Variants in HPSE2 observed in about 807,000 individuals in gnomAD.
HPSE2 encodes the protein inactive heparanase-2.
In HPSE2, 38 loss-of-function variants were observed where a neutral mutation model predicts 60.5. The observed-to-expected ratio is 0.63, with a 90% CI of 0.48 to 0.82. The LOEUF (loss-of-function observed/expected upper bound fraction) is 0.82, where lower values mean the gene tolerates loss of function less well. Ranked by LOEUF, HPSE2 falls within the 40% of genes least tolerant of loss-of-function variation. The pLI, the probability that HPSE2 is intolerant of heterozygous loss-of-function variation, is 0.00. For missense variants in HPSE2, 713 were observed against 740.4 expected (o/e 0.96, Z 0.43); for synonymous variants, 295 against 293.2 (o/e 1.01, Z -0.06).
intron 3 of HPSE2, among the ~76,000 whole-genome samples, chr10:99,041,471 A>AC (rs1957738199): frequency 1.3e-5 from 2 of 151,804 alleles, no homozygotes; most frequent in African/African-American, 4.8e-5. Flanking sequence ...AATCCTCCCA[A>AC]CCCCCAATCC....
intron 6 of HPSE2, among the ~76,000 whole-genome samples, chr10:98,649,948 A>C (rs1232906927): frequency 6.6e-6 from 1 of 152,202 alleles, no homozygotes; most frequent in Non-Finnish European, 1.5e-5. Flanking sequence ...TCCTGGGGAC[A>C]GGGTAAAGAT....
intron 9 of HPSE2, among the ~76,000 whole-genome samples, chr10:98,546,501 A>T (rs1173003509): frequency 6.6e-6 from 1 of 151,724 alleles, no homozygotes; most frequent in Non-Finnish European, 1.5e-5. Context: ...ATAACGCCGC[A>T]TACCTACAAC....
At position 98,645,812 on chromosome 10, in the gene HPSE2, A is replaced by T. The variant is rs142089016; in HGVS notation, c.1005-3872T>A. ...GCTAACATGGTGAAACCCCGTCTCT[A>T]CTAAAAATACAATTAGCCGGGGCGT... On this transcript the variant is annotated intron_variant, in intron 6 of 11. Transcript: ENST00000370552. Among the ~76,000 whole-genome samples the T allele has an allele frequency of 3.7e-3, 562 of 152,138 alleles. 4 individuals are homozygous for T. The highest frequency in any genetic ancestry group is 0.013 in the African/African-American group (542 of 41,524).
chr10:99,278,810 G>A, the HPSE2 span, among the ~76,000 whole-genome samples: 16 of 152,284 alleles, frequency 1.1e-4, no homozygotes, highest in African/African-American at 2.6e-4. Flanking sequence ...TGAAGGGAGA[G>A]TATGTAAAAG....
chr10:98,459,704 A>G lies in HPSE2; in HGVS notation c.1649T>C (p.Val550Ala), dbSNP rs1329957154. ...VQLNGQPLVM[V>A]DDGTLPELKP... ...CAATTCTGGGAGGGTCCCGTCGTCC[A>G]CCATCACTAAGGGCTGGCCATTCAG... Residue 550 changes from valine to alanine, a missense_variant, in exon 12 of 12, where the codon GTG (valine) becomes GCG (alanine). Coordinates refer to ENST00000370552, the MANE Select transcript of HPSE2 (RefSeq NM_021828.5). 1.2e-5 allele frequency: 20 copies of G among 1,613,956 alleles called. No homozygotes were observed. Among genetic ancestry groups the G allele is most frequent in the Non-Finnish European group, 1.7e-5 (20 of 1,179,968 alleles).
chr10:98,963,721 C>T lies in HPSE2; in HGVS notation c.610+180517G>A, dbSNP rs184370253. The stretch of plus-strand genomic sequence containing the variant: ...CATAACTTAACAGGAAACATAAAAA[C>T]AGTTTTGAAAAGGTGCATCAGAATG... On this transcript the variant is annotated intron_variant, in intron 3 of 11. Transcript: ENST00000370552. 1.8e-3 allele frequency among the ~76,000 whole-genome samples: 277 copies of T among 152,174 alleles called. 1 individual carries two copies. Among genetic ancestry groups the T allele is most frequent in the African/African-American group, 6.1e-3 (252 of 41,544 alleles).
chr10:99,130,489 T>C (rs1589702999), intron 3 of HPSE2, among the ~76,000 whole-genome samples: 1 of 152,138 alleles, frequency 6.6e-6, no homozygotes, highest in East Asian at 1.9e-4. Context: ...CAAGTTGTTG[T>C]ACCTGAGCAA....
intron 3 of HPSE2, among the ~76,000 whole-genome samples, chr10:99,099,198 G>A (rs183390764): frequency 9.8e-5 from 15 of 152,296 alleles, no homozygotes; most frequent in South Asian, 2.1e-4. Flanking sequence ...GCGAGGCATC[G>A]CCTCACCCAG....
chr10:98,775,499 T>C (rs899723461), intron 3 of HPSE2, among the ~76,000 whole-genome samples: 1 of 152,180 alleles, frequency 6.6e-6, no homozygotes, highest in Non-Finnish European at 1.5e-5. Flanking sequence ...AGCCCAACAA[T>C]TATAAGTTTA....
chr10:98,831,377 G>A (rs370748967), intron 3 of HPSE2, among the ~76,000 whole-genome samples: 31 of 152,298 alleles, frequency 2.0e-4, no homozygotes, highest in African/African-American at 7.0e-4. Context: ...CTGTGGCAGA[G>A]TTGGCTATGC....
chr10:98,767,314 C>G (rs1950142550), intron 3 of HPSE2, among the ~76,000 whole-genome samples: 1 of 151,738 alleles, frequency 6.6e-6, no homozygotes, highest in Non-Finnish European at 1.5e-5. Context: ...AAAAATAAAC[C>G]AGAGTTACAT....
At chr10:98,828,550 T>C (rs1360427376) in intron 3 of HPSE2, among the ~76,000 whole-genome samples, 3 of 152,164 alleles carry the variant, frequency 2.0e-5, no homozygotes, top group African/African-American at 4.8e-5. Flanking sequence ...AGGACTTAAA[T>C]AGACATTTCT....
In HPSE2 at chr10:98,998,751, G is replaced by C. The variant is rs113668072; in HGVS notation, c.610+145487C>G. ...TTCACTATTTAAAAAGCCAGGTAAA[G>C]AAAACCCAGTACCCAGAGTTCTGTA... On this transcript the variant is annotated intron_variant, in intron 3 of 11. Coordinates refer to ENST00000370552, the MANE Select transcript of HPSE2 (RefSeq NM_021828.5). Among the ~76,000 whole-genome samples the C allele has an allele frequency of 7.9e-5, 12 of 152,264 alleles. 1 individual carries two copies. The highest frequency in any genetic ancestry group is 2.6e-4 in the African/African-American group (11 of 41,568).
At chr10:99,180,159 T>C (rs1052727430) in intron 2 of HPSE2, among the ~76,000 whole-genome samples, 3 of 152,164 alleles carry the variant, frequency 2.0e-5, no homozygotes, top group African/African-American at 7.2e-5. Flanking sequence ...ATAAAAACCC[T>C]AGAAGAAAAC....
chr10:99,004,005 T>C (rs1956835703), intron 3 of HPSE2, among the ~76,000 whole-genome samples: 1 of 152,130 alleles, frequency 6.6e-6, no homozygotes, highest in Non-Finnish European at 1.5e-5. Flanking sequence ...TTCTAGTGCA[T>C]GTGGAAATTC....
chr10:99,010,248 T>C (rs1956982173), intron 3 of HPSE2, among the ~76,000 whole-genome samples: 3 of 152,366 alleles, frequency 2.0e-5, no homozygotes, highest in African/African-American at 7.2e-5. Context: ...TTTTTTATCT[T>C]TGAAAATCCT....
At chr10:98,850,598 G>T (rs574796189) in intron 3 of HPSE2, among the ~76,000 whole-genome samples, 2 of 151,964 alleles carry the variant, frequency 1.3e-5, no homozygotes, top group Non-Finnish European at 2.9e-5. Flanking sequence ...TTAGCCAGGC[G>T]TGGTGGCAGG....
At chr10:99,200,918 G>T (rs1018486120) in intron 2 of HPSE2, among the ~76,000 whole-genome samples, 1 of 152,050 alleles carries the variant, frequency 6.6e-6, no homozygotes, top group Non-Finnish European at 1.5e-5. Context: ...ACCAATACTT[G>T]GAAACCATTT....
intron 6 of HPSE2, among the ~76,000 whole-genome samples, chr10:98,670,883 T>G (rs1271559060): frequency 1.3e-5 from 2 of 152,226 alleles, no homozygotes; most frequent in Non-Finnish European, 2.9e-5. Context: ...AATGGTGCAC[T>G]TGGGGAGCTC....
Sources: allele counts gnomAD v4.1 joint callset (sites outside exome capture counted in the v4.1 genomes callset), GRCh38; gene constraint gnomAD v4.1.1; transcripts MANE v1.5; gene names NCBI Gene and HGNC (gene_info 2026-07-23, HGNC 2026-07-21).